GPC6: variants seen among roughly 807,000 people sequenced by gnomAD.
GPC6 encodes the protein glypican-6.
In GPC6, 14 loss-of-function variants were observed where a neutral mutation model predicts 55.2. The ratio of observed to expected loss-of-function variants is 0.25; its 90% CI spans 0.17 to 0.40. The LOEUF (loss-of-function observed/expected upper bound fraction) is 0.40. GPC6 is among the 10% of genes least tolerant of loss of function. GPC6 has a pLI of 1.00. For missense variants in GPC6, 641 were observed against 708.5 expected (o/e 0.90, Z 1.08); for synonymous variants, 278 against 259.6 (o/e 1.07, Z -0.68).
At chr13:94,077,521 T>C (rs898627060) in intron 4 of GPC6, among the ~76,000 whole-genome samples, 2 of 151,768 alleles carry the variant, frequency 1.3e-5, no homozygotes, top group Non-Finnish European at 3.0e-5. Context: ...TTAAGATAAG[T>C]GATAAGAGCA....
chr13:93,536,610 GTT>G (rs1882074326), intron 1 of GPC6, among the ~76,000 whole-genome samples: 1 of 152,162 alleles, frequency 6.6e-6, no homozygotes, highest in African/African-American at 2.4e-5. Context: ...ACTAGAAGTT[GTT>G]TATTCACCTG....
At position 93,227,646 on chromosome 13, in the gene GPC6, T is replaced by G; in HGVS notation, c.160+30T>G. ...GCGCGGGCGCGCTGCAGGGGCAGGC[T>G]GCAGCCCTCGGCTGCCGCACGTCCC... On this transcript the variant is annotated intron_variant, in intron 1 of 8. Transcript: ENST00000377047. The surrounding 1 kb of genome is among the most constrained non-coding windows in gnomAD (Gnocchi z 4.3). 1 of 1,561,150 alleles carries G rather than the reference T, an allele frequency of 6.4e-7. No homozygotes were observed. Among genetic ancestry groups the G allele is most frequent in the African/African-American group, 1.4e-5 (1 of 73,932 alleles).
intron 4 of GPC6, among the ~76,000 whole-genome samples, chr13:94,086,273 G>T (rs780431550): frequency 7.2e-5 from 11 of 152,138 alleles, no homozygotes; most frequent in Admixed American, 6.5e-5. Flanking sequence ...TGTCTTGAGT[G>T]CTAGAGTAGG....
chr13:93,333,577 G>C (rs1398434188), intron 1 of GPC6, among the ~76,000 whole-genome samples: 2 of 144,112 alleles, frequency 1.4e-5, no homozygotes, highest in Admixed American at 7.2e-5. Context: ...CTCTTGCCCA[G>C]GCTGGAGTGC....
At chr13:94,246,052 T>G (rs1461201374) in intron 4 of GPC6, among the ~76,000 whole-genome samples, 1 of 152,122 alleles carries the variant, frequency 6.6e-6, no homozygotes, top group Non-Finnish European at 1.5e-5. Flanking sequence ...ATAGTAGACA[T>G]TCTAACGGAT....
At chr13:93,686,167 A>AT (rs775673932) in intron 2 of GPC6, among the ~76,000 whole-genome samples, 1 of 152,092 alleles carries the variant, frequency 6.6e-6, no homozygotes, top group Non-Finnish European at 1.5e-5. Flanking sequence ...GATTTTGTTT[A>AT]TATCACATCA....
chr13:93,918,337 G>A (rs1594586965), intron 3 of GPC6, among the ~76,000 whole-genome samples: 1 of 151,906 alleles, frequency 6.6e-6, no homozygotes, highest in African/African-American at 2.4e-5. Flanking sequence ...TATTATTATT[G>A]GGAATATTCA....
intron 2 of GPC6, among the ~76,000 whole-genome samples, chr13:93,576,403 C>A (rs1876665743): frequency 6.6e-6 from 1 of 151,948 alleles, no homozygotes; most frequent in African/African-American, 2.4e-5. Context: ...AATAAAAGAT[C>A]ACAGAATTTG....
At chr13:93,692,130 A>T (rs184426853) in intron 2 of GPC6, among the ~76,000 whole-genome samples, 54 of 152,058 alleles carry the variant, frequency 3.6e-4, no homozygotes, top group Non-Finnish European at 5.7e-4. Flanking sequence ...AGGTCAGTCT[A>T]TTATCAAAAT....
At chr13:93,308,196 A>C (rs990554112) in intron 1 of GPC6, among the ~76,000 whole-genome samples, 1 of 152,006 alleles carries the variant, frequency 6.6e-6, no homozygotes, top group Non-Finnish European at 1.5e-5. Context: ...GAGGCAGGAG[A>C]ATGGCATGAA....
chr13:93,740,449 A>G (rs1566511856), intron 2 of GPC6, among the ~76,000 whole-genome samples: 2 of 152,200 alleles, frequency 1.3e-5, no homozygotes, highest in South Asian at 2.1e-4. Flanking sequence ...GGAAAAAGTC[A>G]AGGTCAAGAA....
chr13:93,544,741 GTCAACTT>G, intron 1 of GPC6, among the ~76,000 whole-genome samples: 1 of 152,282 alleles, frequency 6.6e-6, no homozygotes, highest in Non-Finnish European at 1.5e-5. Context: ...GACAAGAAAT[GTCAACTT>G]AGCGAATGAG....
chr13:93,756,877 T>A (rs1273022522), intron 2 of GPC6, among the ~76,000 whole-genome samples: 1 of 152,144 alleles, frequency 6.6e-6, no homozygotes, highest in Non-Finnish European at 1.5e-5. Context: ...ACACTGTCCC[T>A]TAGGCAAATA....
rs763498314 is a variant in GPC6 at position 94,286,357 on chromosome 13, C to T, written c.886C>T (p.Leu296Phe). The T allele has an allele frequency of 3.1e-6, 5 of 1,613,620 alleles. 1 individual carries two copies. The Admixed American group carries it at 5.0e-5, about 16-fold the overall frequency. ...TTCCTGTATTTTAACAGATGCAATG[C>T]TCTTGGTGGCAGAGCGACTGGAGGG... is the stretch of plus-strand genomic sequence containing the variant. ...TEWNLFIDAMLLVAERLEGPF... is the reference protein window; with the variant it reads ...TEWNLFIDAMFLVAERLEGPF... The change falls in exon 5 of 9, where the codon CTC (leucine) becomes TTC (phenylalanine). Residue 296 changes from leucine (L) to phenylalanine (F), a missense_variant. By Grantham distance (22) the Leu-to-Phe change is conservative. Coordinates refer to ENST00000377047, the MANE Select transcript of GPC6 (RefSeq NM_005708.5).
intron 2 of GPC6, among the ~76,000 whole-genome samples, chr13:93,682,096 A>G (rs757375860): frequency 1.3e-5 from 2 of 152,148 alleles, no homozygotes; most frequent in Non-Finnish European, 2.9e-5. Context: ...CTACACATTC[A>G]CTGAATAGAC....
intron 1 of GPC6, among the ~76,000 whole-genome samples, chr13:93,278,493 T>G (rs1347821744): frequency 6.6e-6 from 1 of 152,226 alleles, no homozygotes; most frequent in Non-Finnish European, 1.5e-5. Flanking sequence ...TTTGACTACT[T>G]GAAATATATC....
chr13:93,790,568 T>A (rs1164498039), intron 2 of GPC6, among the ~76,000 whole-genome samples: 1 of 152,134 alleles, frequency 6.6e-6, no homozygotes, highest in African/African-American at 2.4e-5. Flanking sequence ...ACACACTCCT[T>A]TACTTTAATA....
At chr13:93,816,334 A>G (rs939019171) in intron 2 of GPC6, among the ~76,000 whole-genome samples, 1 of 152,176 alleles carries the variant, frequency 6.6e-6, no homozygotes, top group African/African-American at 2.4e-5. Context: ...CCTGGGGACT[A>G]TTATTTTATA....
At chr13:93,720,736 G>T (rs1883426100) in intron 2 of GPC6, among the ~76,000 whole-genome samples, 1 of 151,840 alleles carries the variant, frequency 6.6e-6, no homozygotes, top group African/African-American at 2.4e-5. Flanking sequence ...CACTGCTTTA[G>T]CTGTGTCCCA....
Sources: allele counts gnomAD v4.1 joint callset (sites outside exome capture counted in the v4.1 genomes callset), GRCh38; gene constraint gnomAD v4.1.1; non-coding constraint Gnocchi (gnomAD v3.1); transcripts MANE v1.5; gene names NCBI Gene and HGNC (gene_info 2026-07-23, HGNC 2026-07-21).